Variants in MEGF6 observed in about 807,000 individuals in gnomAD.
MEGF6 encodes the protein multiple EGF like domains 6, also known as multiple epidermal growth factor-like domains protein 6.
In MEGF6, 184 loss-of-function variants were observed where a neutral mutation model predicts 207.1. The observed-to-expected ratio is 0.89, with a 90% confidence interval of 0.79 to 1.00. MEGF6 has a LOEUF of 1.00. MEGF6 is among the 50% of genes least tolerant of loss of function. The pLI, the probability that MEGF6 is intolerant of heterozygous loss-of-function variation, is 0.00. For missense variants in MEGF6, 2,282 were observed against 2,202.9 expected (o/e 1.04, Z -0.72); for synonymous variants, 1,038 against 910.0 (o/e 1.14, Z -2.53).
intron 1 of MEGF6, among the ~76,000 whole-genome samples, chr1:3,609,876 G>C (rs1644301995): frequency 6.6e-6 from 1 of 152,222 alleles, no homozygotes; most frequent in African/African-American, 2.4e-5. Context: ...CATCCGAGCA[G>C]AGACAGCGGG....
Position 3,556,549 on chromosome 1 carries a change from G to A in MEGF6, c.481+23276C>T, listed in dbSNP as rs1356299397. Among the ~76,000 whole-genome samples the A allele has an allele frequency of 2.0e-5, 3 of 152,172 alleles. No individual in the cohort carries two copies. The highest frequency in any genetic ancestry group is 4.4e-5 in the Non-Finnish European group (3 of 68,034). On this transcript the variant is annotated intron_variant, in intron 4 of 36. Transcript: ENST00000356575. This position sits in a 1 kb window ranked among gnomAD's most constrained non-coding sequence, Gnocchi z 4.4. ...TGCTTCCCACTCCAGTGAGTCAGGA[G>A]CGGGTCACAGAGGCTGCAGCAGCGG... is the stretch of plus-strand genomic sequence containing the variant.
intron 14 of MEGF6, among the ~76,000 whole-genome samples, chr1:3,506,721 C>G (rs1408022890): frequency 6.6e-6 from 1 of 152,212 alleles, no homozygotes; most frequent in Non-Finnish European, 1.5e-5. Flanking sequence ...GTCCTTCCTC[C>G]TACTGAAGGC....
In MEGF6 at chr1:3,556,647, C is replaced by T. The variant is rs140955580; in HGVS notation, c.481+23178G>A. 2.8e-3 allele frequency among the ~76,000 whole-genome samples: 428 copies of T among 152,278 alleles called. 5 individuals are homozygous for T. Among genetic ancestry groups the T allele is most frequent in the South Asian group, 0.014 (67 of 4,814 alleles). On this transcript the variant is annotated intron_variant, in intron 4 of 36. Coordinates refer to ENST00000356575, the MANE Select transcript of MEGF6 (RefSeq NM_001409.4). This position sits in a 1 kb window ranked among gnomAD's most constrained non-coding sequence, Gnocchi z 4.4. ...CGGGACACACTGGAGACGAATAGGACTGACCACCAAGCAGACTGCAGGCAG... is the reference window on the plus strand; with the variant it reads ...CGGGACACACTGGAGACGAATAGGATTGACCACCAAGCAGACTGCAGGCAG...
In MEGF6 at chr1:3,504,397, A is replaced by G. The variant is rs1359320767; in HGVS notation, c.2188+811T>C. 2.0e-5 allele frequency among the ~76,000 whole-genome samples: 3 copies of G among 152,004 alleles called. No homozygotes were observed. In the East Asian group the frequency reaches 5.8e-4, roughly 30 times the overall value. On this transcript the variant is annotated intron_variant, in intron 17 of 36. Transcript: ENST00000356575. Reference sequence around the variant, plus strand: ...CACTCGGGTATTTCCTATCCTGGTCATGAGACTGAGGAGTGACCATCCCGC... The same window carrying G: ...CACTCGGGTATTTCCTATCCTGGTCGTGAGACTGAGGAGTGACCATCCCGC...
At chr1:3,520,450 G>A (rs2794364) in intron 5 of MEGF6, among the ~76,000 whole-genome samples, 11,696 of 152,278 alleles carry the variant, frequency 0.077, 625 homozygotes, top group South Asian at 0.15. Flanking sequence ...CATCACCGGG[G>A]AAGGCAAGGG....
At chr1:3,611,598 C>A (rs1447095730), upstream of MEGF6, 3 of 215,962 alleles carry the variant, frequency 1.4e-5, no homozygotes, top group Admixed American at 1.2e-4. Context: ...TCGCCCGCCC[C>A]CTGCGCCCTC....
At chr1:3,512,584 T>C (rs1170033428) in intron 7 of MEGF6, among the ~76,000 whole-genome samples, 1 of 152,212 alleles carries the variant, frequency 6.6e-6, no homozygotes, top group Non-Finnish European at 1.5e-5. Context: ...GCTGTTCTCA[T>C]GATAGTGAGT....
rs764420435 is a variant in MEGF6 at position 3,595,340 on chromosome 1, G to A, written c.374C>T (p.Ser125Leu). ...MQQPDEEGCL[S>L]AECSASLCFH... ...GGGGAGGCGCAGGCGGCACTCACCCGAGAGGCAGCCCTCCTCGTCGGGCTG... is the reference window on the plus strand; with the variant it reads ...GGGGAGGCGCAGGCGGCACTCACCCAAGAGGCAGCCCTCCTCGTCGGGCTG... The change falls in exon 3 of 37, where the codon TCG becomes TTG. Residue 125 changes from serine (S) to leucine (L), a missense_variant and splice_region_variant. By Grantham distance (145) the Ser-to-Leu change is moderately radical. Transcript: ENST00000356575. 1.3e-4 allele frequency: 211 copies of A among 1,610,702 alleles called. No homozygotes were observed. Among genetic ancestry groups the A allele is most frequent in the Middle Eastern group, 6.6e-4 (4 of 6,072 alleles).
intron 3 of MEGF6, among the ~76,000 whole-genome samples, chr1:3,584,044 A>T (rs1436870586): frequency 6.6e-6 from 1 of 152,248 alleles, no homozygotes; most frequent in East Asian, 1.9e-4. Flanking sequence ...CTTCCCAGGC[A>T]TCTGCTCTAG....
At chr1:3,568,421 C>G (rs78949887) in intron 4 of MEGF6, among the ~76,000 whole-genome samples, 9,683 of 152,130 alleles carry the variant, frequency 0.064, 970 homozygotes, top group African/African-American at 0.22. Flanking sequence ...ATGGGGCCCA[C>G]GGAGGCCACC....
chr1:3,529,719 G>A (rs1388563564), intron 4 of MEGF6, among the ~76,000 whole-genome samples: 3 of 152,206 alleles, frequency 2.0e-5, no homozygotes, highest in South Asian at 2.1e-4. Flanking sequence ...GGCCCCCAGC[G>A]ACCACCACCC....
intron 4 of MEGF6, among the ~76,000 whole-genome samples, chr1:3,574,894 C>T (rs541026871): frequency 2.4e-4 from 37 of 152,242 alleles, no homozygotes; most frequent in South Asian, 1.0e-3. Flanking sequence ...ACACGTGCCT[C>T]GGCCTCCCAA....
In MEGF6 at chr1:3,497,067, G is replaced by A. The variant is rs373626522; in HGVS notation, c.3534C>T (p.Pro1178=). The change falls in exon 28 of 37, where the codon CCC becomes CCT. Residue 1178 remains proline (P), a synonymous_variant. Coordinates refer to ENST00000356575, the MANE Select transcript of MEGF6 (RefSeq NM_001409.4). Reference sequence around the variant, plus strand: ...CAGGGTGGCAGGCCGGGTTCTCACCGGGACACTGGCACATCTGCGCACAGT... The same window carrying A: ...CAGGGTGGCAGGCCGGGTTCTCACCAGGACACTGGCACATCTGCGCACAGT... ...GEDCAQMCQC[P]GENPACHPAT... The A allele has an allele frequency of 2.8e-4, 443 of 1,564,916 alleles. No homozygotes were observed. Among genetic ancestry groups the A allele is most frequent in the Non-Finnish European group, 3.7e-4 (429 of 1,155,656 alleles).
At chr1:3,549,385 G>A (rs1037830950) in intron 4 of MEGF6, among the ~76,000 whole-genome samples, 2 of 152,224 alleles carry the variant, frequency 1.3e-5, no homozygotes, top group Admixed American at 6.5e-5. Context: ...GGCCCAGGAC[G>A]GAGAAGTTCA....
chr1:3,611,302 C>T lies in MEGF6; in HGVS notation c.-34G>A. The T allele has an allele frequency of 7.1e-7, 1 of 1,416,882 alleles. No individual in the cohort carries two copies. The highest frequency in any genetic ancestry group is 9.2e-7 in the Non-Finnish European group (1 of 1,091,884). The allele number at this position is 1,416,882 out of a possible 1,614,324, so 87.8% of individuals were successfully genotyped here. A position where few individuals can be genotyped will look rare whatever the true frequency, so the allele number is the denominator to read the frequency against. ...CCGGTGCCTCCTCCGCTCTCCGGCTCACAGGCGGCCCCGGCGGCTCCCCGG... is the reference window on the plus strand; with the variant it reads ...CCGGTGCCTCCTCCGCTCTCCGGCTTACAGGCGGCCCCGGCGGCTCCCCGG... On this transcript the variant is annotated 5_prime_UTR_variant, in exon 1 of 37. The change abolishes the stop of an existing upstream ORF in the 5' untranslated region. Coordinates refer to ENST00000356575, the MANE Select transcript of MEGF6 (RefSeq NM_001409.4).
chr1:3,521,149 G>A (rs866296272), intron 5 of MEGF6, among the ~76,000 whole-genome samples: 15 of 152,148 alleles, frequency 9.9e-5, no homozygotes, highest in South Asian at 2.1e-4. Flanking sequence ...AGGCCTGGGG[G>A]AGGGGCTCCA....
chr1:3,497,047 T>TGGCAGGCC lies in MEGF6; in HGVS notation c.3546_3553dup (p.His1185ArgfsTer92). ...ACATGAGCAGGTCCCGGTGGCAGGG[T>TGGCAGGCC]GGCAGGCCGGGTTCTCACCGGGACA... is the stretch of plus-strand genomic sequence containing the variant. On this transcript the variant is annotated frameshift_variant, in exon 28 of 37. Transcript: ENST00000356575. LOFTEE classifies it high-confidence loss of function. The TGGCAGGCC allele has an allele frequency of 1.9e-6, 3 of 1,555,874 alleles. No homozygotes were observed. The highest frequency in any genetic ancestry group is 2.6e-6 in the Non-Finnish European group (3 of 1,150,444).
intron 4 of MEGF6, among the ~76,000 whole-genome samples, chr1:3,575,794 C>T (rs376737467): frequency 1.1e-3 from 164 of 152,294 alleles, no homozygotes; most frequent in African/African-American, 3.8e-3. Flanking sequence ...TCCCATGACA[C>T]GTGGGAATTA....
At chr1:3,615,335 C>T (rs1644369018), upstream of MEGF6, among the ~76,000 whole-genome samples, 1 of 152,220 alleles carries the variant, frequency 6.6e-6, no homozygotes, top group African/African-American at 2.4e-5. Flanking sequence ...CCCCCTGGTG[C>T]AGAGCGCAGG....
Sources: gnomAD v4.1 joint callset for allele counts (sites outside exome capture counted in the v4.1 genomes callset) on GRCh38, gnomAD v4.1.1 for gene constraint, Gnocchi (gnomAD v3.1) non-coding constraint, MANE v1.5 for transcripts, NCBI Gene and HGNC (gene_info 2026-07-23, HGNC 2026-07-21) for gene names.